The following MRE11 variants were observed in gnomAD, a reference collection of about 807,000 sequenced individuals.
The protein encoded by MRE11 is double-strand break repair protein MRE11.
In MRE11, 62 loss-of-function variants were observed where a neutral mutation model predicts 91.7. The ratio of observed to expected loss-of-function variants is 0.68; its 90% CI spans 0.55 to 0.84. The LOEUF (loss-of-function observed/expected upper bound fraction) is 0.84, where lower values mean the gene tolerates loss of function less well. Among genes scored for constraint, MRE11 ranks in the 40% least tolerant of loss-of-function variants. MRE11 has a pLI of 0.00. For missense variants in MRE11, 796 were observed against 852.9 expected, an observed-to-expected ratio of 0.93 and a Z score of 0.83; for synonymous variants, 273 against 271.4, an observed-to-expected ratio of 1.01 and a Z score of -0.06.
intron 3 of MRE11, among the ~76,000 whole-genome samples, chr11:94,486,801 G>A (rs12285908): frequency 6.6e-6 from 1 of 152,146 alleles, no homozygotes; most frequent in African/African-American, 2.4e-5. Flanking sequence ...GTTGCACTAG[G>A]AAAGATAAAT....
At chr11:94,464,265 C>T (rs115448201) in intron 10 of MRE11, 26 bp from the exon 11 acceptor site, 218 of 1,613,410 alleles carry the variant, frequency 1.4e-4, no homozygotes, top group Middle Eastern at 3.3e-4. Context: ...AATCTATGAA[C>T]GCTAGGAAAC....
the MRE11 span, among the ~76,000 whole-genome samples, chr11:94,506,585 C>CTT: frequency 1.2e-4 from 17 of 147,174 alleles, no homozygotes; most frequent in African/African-American, 3.8e-4. Flanking sequence ...ACAGTAATTG[C>CTT]TTTTTTTGTT....
rs1947090154 is a variant in MRE11 at position 94,484,537 on chromosome 11, C to CA, written c.314+1386dup. Among the ~76,000 whole-genome samples the CA allele has an allele frequency of 2.0e-5, 3 of 152,266 alleles. No individual in the cohort carries two copies. In the South Asian group the frequency reaches 6.2e-4, roughly 32 times the overall value. ...CTGCCCTTTGAGAGTAAGCTGGACT[C>CA]AGAGACTCAATTCTAACCAACAGCA... On this transcript the variant is annotated intron_variant, in intron 4 of 19. Transcript: ENST00000323929.
chr11:94,427,206 T>C (rs994473765), intron 19 of MRE11, among the ~76,000 whole-genome samples: 1 of 152,140 alleles, frequency 6.6e-6, no homozygotes, highest in Non-Finnish European at 1.5e-5. Flanking sequence ...TGATCAAGTA[T>C]GCTTTATTCT....
intron 1 of MRE11, 33 bp from the exon 2 acceptor site, chr11:94,492,939 T>C (rs547482791): frequency 1.3e-6 from 1 of 783,982 alleles, no homozygotes; most frequent in Non-Finnish European, 2.2e-6. Flanking sequence ...AAACACATTT[T>C]TTAAAAGCCT....
At chr11:94,496,092 T>A (rs957449093), upstream of MRE11, among the ~76,000 whole-genome samples, 2 of 152,210 alleles carry the variant, frequency 1.3e-5, no homozygotes, top group African/African-American at 4.8e-5. Context: ...ATAGGATAAT[T>A]AGTGTAGATG....
At chr11:94,433,604 CCCCATA>C (rs1945522498) in intron 18 of MRE11, among the ~76,000 whole-genome samples, 1 of 152,154 alleles carries the variant, frequency 6.6e-6, no homozygotes, top group Non-Finnish European at 1.5e-5. Context: ...GGGGCAGTTC[CCCCATA>C]CTAATCTCGT....
intron 14 of MRE11, among the ~76,000 whole-genome samples, chr11:94,451,699 AAAAACC>A (rs1160772580): frequency 6.6e-6 from 1 of 152,222 alleles, no homozygotes; most frequent in Non-Finnish European, 1.5e-5. Flanking sequence ...CAAAGAAAGA[AAAAACC>A]CAAATGTATA....
At chr11:94,468,865 G>A (rs1360847157) in intron 9 of MRE11, among the ~76,000 whole-genome samples, 1 of 151,986 alleles carries the variant, frequency 6.6e-6, no homozygotes, top group Non-Finnish European at 1.5e-5. Context: ...ATACATATCA[G>A]ACAGCACAGA....
the MRE11 span, among the ~76,000 whole-genome samples, chr11:94,507,233 AT>A: frequency 3.4e-4 from 51 of 152,156 alleles, 1 homozygote; most frequent in Non-Finnish European, 6.9e-4. Flanking sequence ...TATTGTGTAT[AT>A]TTTTGCATTT....
intron 18 of MRE11, 31 bp from the exon 19 acceptor site, chr11:94,430,017 A>C (rs1197521275): frequency 6.2e-7 from 1 of 1,605,848 alleles, no homozygotes; most frequent in Non-Finnish European, 8.5e-7. Flanking sequence ...AAACAAACAC[A>C]ATGAACTACA....
At chr11:94,433,064 A>G (rs574067907) in intron 18 of MRE11, among the ~76,000 whole-genome samples, 1 of 152,282 alleles carries the variant, frequency 6.6e-6, no homozygotes, top group East Asian at 1.9e-4. Context: ...TTGATTCCTT[A>G]TTCTCCCTTA....
At chr11:94,448,515 C>G (rs537191856) in intron 14 of MRE11, among the ~76,000 whole-genome samples, 1 of 151,918 alleles carries the variant, frequency 6.6e-6, no homozygotes, top group East Asian at 1.9e-4. Context: ...GAGGATCGCT[C>G]AAGCCTGGGG....
At chr11:94,458,606 T>C (rs111776690) in intron 13 of MRE11, among the ~76,000 whole-genome samples, 184 of 152,230 alleles carry the variant, frequency 1.2e-3, no homozygotes, top group African/African-American at 4.1e-3. Flanking sequence ...CCAGGCTGAG[T>C]TAAAGGGTAA....
intron 4 of MRE11, among the ~76,000 whole-genome samples, chr11:94,482,054 A>G (rs1185826056): frequency 6.6e-6 from 1 of 152,234 alleles, no homozygotes; most frequent in Non-Finnish European, 1.5e-5. Flanking sequence ...GAAAAACAAT[A>G]TTACATTAGA....
the MRE11 span, among the ~76,000 whole-genome samples, chr11:94,511,503 A>G: frequency 1.3e-5 from 2 of 152,244 alleles, no homozygotes; most frequent in Non-Finnish European, 2.9e-5. Flanking sequence ...TTTATCTATA[A>G]TGGGAGTATA....
chr11:94,499,244 C>T, the MRE11 span: 1 of 152,814 alleles, frequency 6.5e-6, no homozygotes, highest in African/African-American at 2.4e-5. Context: ...TCACGATGAC[C>T]TTGTAGACAT....
At position 94,479,682 on chromosome 11, in the gene MRE11, G is replaced by A. The variant is rs777373591; in HGVS notation, c.394C>T (p.Pro132Ser). 7.4e-6 allele frequency: 12 copies of A among 1,611,482 alleles called. No homozygotes were observed. The East Asian group carries it at 8.9e-5, about 12-fold the overall frequency. The change falls in exon 5 of 20, where the codon CCC becomes TCC. Residue 132 changes from proline (P) to serine (S), a missense_variant. Physicochemically the swap from Pro to Ser is moderately conservative, Grantham distance 74 (BLOSUM62 -1). Coordinates refer to ENST00000323929, the MANE Select transcript of MRE11 (RefSeq NM_005591.4). Reference sequence around the variant, plus strand: ...AAGAAAACAATAATTACCCCTGTGGGATCGTCATGATTGCCATGAATACTA... The same window carrying A: ...AAGAAAACAATAATTACCCCTGTGGAATCGTCATGATTGCCATGAATACTA... Reference protein sequence around the residue: ...VFSIHGNHDDPTGADALCALD... With the variant: ...VFSIHGNHDDSTGADALCALD...
intron 6 of MRE11, 97 bp downstream of exon 6, chr11:94,478,637 GC>G: frequency 1.4e-6 from 2 of 1,381,706 alleles, no homozygotes; most frequent in Non-Finnish European, 2.0e-6. Context: ...AATAAGGTTT[GC>G]CCCATTTTTT....
Sources: allele counts gnomAD v4.1 joint callset (sites outside exome capture counted in the v4.1 genomes callset), GRCh38; gene constraint gnomAD v4.1.1; transcripts MANE v1.5; gene names NCBI Gene and HGNC (gene_info 2026-07-23, HGNC 2026-07-21).